The following GUCY2F variants were observed in gnomAD, a reference collection of about 807,000 sequenced individuals.
GUCY2F encodes the protein guanylate cyclase 2F, retinal, also known as retinal guanylyl cyclase 2.
Under a neutral mutation model 73.1 loss-of-function variants are expected in GUCY2F, and 61 were observed. The ratio of observed to expected loss-of-function variants is 0.83; its 90% CI spans 0.68 to 1.03. GUCY2F has a LOEUF of 1.03. Ranked by LOEUF, GUCY2F falls within the 50% of genes least tolerant of loss-of-function variation. The pLI is 0.00. For synonymous variants in GUCY2F, 331 were observed against 307.8 expected (o/e 1.08, Z -0.79); for missense variants, 912 against 854.3 (o/e 1.07, Z -0.84).
intron 15 of GUCY2F, among the ~76,000 whole-genome samples, chrX:109,387,285 A>G (rs1467573371): frequency 1.8e-5 from 2 of 112,538 alleles, no homozygotes; most frequent in East Asian, 5.6e-4. Context: ...GGGAGGAGTC[A>G]AAGAGAATGA....
intron 17 of GUCY2F, among the ~76,000 whole-genome samples, chrX:109,380,721 A>G (rs1279673830): frequency 8.9e-6 from 1 of 111,850 alleles, no homozygotes; most frequent in East Asian, 2.8e-4. Context: ...TACTTGAAAC[A>G]CCCAAAGATG....
chrX:109,480,510 A>C (rs1202079164), intron 1 of GUCY2F, among the ~76,000 whole-genome samples: 6 of 111,718 alleles, frequency 5.4e-5, no homozygotes, highest in Non-Finnish European at 1.1e-4. Flanking sequence ...TTAACTGTCC[A>C]TTCTAGGTGT....
chrX:109,447,100 G>A (rs964116246), intron 6 of GUCY2F, among the ~76,000 whole-genome samples: 2 of 111,829 alleles, frequency 1.8e-5, no homozygotes, highest in Non-Finnish European at 3.8e-5. Context: ...CAGTTAGAAT[G>A]GTGATCATTA....
intron 8 of GUCY2F, among the ~76,000 whole-genome samples, chrX:109,426,558 T>G (rs897937461): frequency 9.0e-6 from 1 of 111,246 alleles, no homozygotes; most frequent in Non-Finnish European, 1.9e-5. Context: ...CTGGCTAATT[T>G]TTTTGTATTT....
intron 1 of GUCY2F, among the ~76,000 whole-genome samples, chrX:109,477,081 A>G (rs1278498261): frequency 1.8e-5 from 2 of 111,412 alleles, no homozygotes; most frequent in African/African-American, 3.3e-5. Flanking sequence ...GCAAGACTGG[A>G]GGCAAAGAGA....
At chrX:109,398,528 C>G in intron 11 of GUCY2F, 21 bp downstream of exon 11, 1 of 1,197,373 alleles carries the variant, frequency 8.4e-7, no homozygotes, top group Non-Finnish European at 1.1e-6. Context: ...CCCTGGGGCC[C>G]TTTTCTCACC....
At chrX:109,404,167 A>T (rs893067243) in intron 10 of GUCY2F, among the ~76,000 whole-genome samples, 161 bp downstream of exon 10, 1 of 112,607 alleles carries the variant, frequency 8.9e-6, no homozygotes, top group African/African-American at 3.2e-5. Context: ...CCGAGGTTAC[A>T]GCAGGCCTAC....
chrX:109,475,970 T>C lies in GUCY2F; in HGVS notation c.-34A>G, dbSNP rs773439276. The C allele has an allele frequency of 8.8e-6, 10 of 1,138,586 alleles. No homozygotes were observed. Among genetic ancestry groups the C allele is most frequent in the Non-Finnish European group, 1.2e-5 (10 of 853,568 alleles). The allele number at this position is 1,138,586 out of a possible 1,213,427, so 93.8% of individuals were successfully genotyped here. A position where few individuals can be genotyped will look rare whatever the true frequency, so the allele number is the denominator to read the frequency against. ...TGCTTCCAGCAAGCTAATGACGAGA[T>C]ACTGGAGAGTTATTCTGCTTTCCCG... On this transcript the variant is annotated 5_prime_UTR_variant, in exon 2 of 20. Coordinates refer to ENST00000218006, the MANE Select transcript of GUCY2F (RefSeq NM_001522.3).
rs773720812 is a variant in GUCY2F at position 109,443,242 on chromosome X, G to C, written c.1570-1760C>G. ...GGAGGCCAAGAGCTATGTTCTTCTAGGGTAATGCCATCCTTTTCCACCTCG... is the reference window on the plus strand; with the variant it reads ...GGAGGCCAAGAGCTATGTTCTTCTACGGTAATGCCATCCTTTTCCACCTCG... On this transcript the variant is annotated intron_variant, in intron 6 of 19. Transcript: ENST00000218006. Among the ~76,000 whole-genome samples, 151 of 110,921 alleles carry C rather than the reference G, an allele frequency of 1.4e-3. 1 individual carries two copies. The highest frequency in any genetic ancestry group is 2.6e-3 in the Non-Finnish European group (136 of 52,900).
Position 109,429,957 on chromosome X carries a change from G to A in GUCY2F, c.1791+350C>T, listed in dbSNP as rs139805505. The stretch of plus-strand genomic sequence containing the variant: ...AAAGAAGCTATGTGCCAGGAAATGC[G>A]CAAGATGCTTTACGTGTATTGTCTC... On this transcript the variant is annotated intron_variant, in intron 8 of 19. Coordinates refer to ENST00000218006, the MANE Select transcript of GUCY2F (RefSeq NM_001522.3). Among the ~76,000 whole-genome samples the A allele has an allele frequency of 7.1e-4, 80 of 112,643 alleles. No individual in the cohort carries two copies. In the East Asian group the frequency reaches 0.021, roughly 29 times the overall value.
chrX:109,460,506 T>G (rs1397667685), intron 3 of GUCY2F, among the ~76,000 whole-genome samples: 6 of 111,824 alleles, frequency 5.4e-5, no homozygotes, highest in Non-Finnish European at 1.1e-4. Flanking sequence ...ATTTCTACCC[T>G]AGATTTGTAT....
At chrX:109,395,816 T>C (rs1453799272) in intron 11 of GUCY2F, among the ~76,000 whole-genome samples, 1 of 111,189 alleles carries the variant, frequency 9.0e-6, no homozygotes, top group Non-Finnish European at 1.9e-5. Flanking sequence ...CCCTCACCCA[T>C]CCCCAATCAT....
intron 8 of GUCY2F, among the ~76,000 whole-genome samples, chrX:109,416,619 AC>A (rs761615720): frequency 1.5e-3 from 168 of 111,169 alleles, no homozygotes; most frequent in Admixed American, 0.012. Flanking sequence ...AGTGGTCAAA[AC>A]CTTTGTGAAT....
chrX:109,390,342 C>A (rs1470110648), intron 14 of GUCY2F, among the ~76,000 whole-genome samples: 1 of 111,700 alleles, frequency 9.0e-6, no homozygotes, highest in African/African-American at 3.3e-5. Flanking sequence ...CAGTAGCCTT[C>A]TCACTTCCAT....
Position 109,453,828 on chromosome X carries a change from G to A in GUCY2F, c.1064C>T (p.Ser355Leu). 8.4e-7 allele frequency: 1 copy of A among 1,186,485 alleles called. No homozygotes were observed. Among genetic ancestry groups the A allele is most frequent in the Non-Finnish European group, 1.1e-6 (1 of 877,482 alleles). The change falls in exon 4 of 20, where the codon TCA (serine) becomes TTA (leucine). Residue 355 changes from serine (S) to leucine (L), a missense_variant. By Grantham distance (145) the Ser-to-Leu change is moderately radical. Coordinates refer to ENST00000218006, the MANE Select transcript of GUCY2F (RefSeq NM_001522.3). ...VSPLFGTIYN[S>L]IYFIAQAMNN... Reference sequence around the variant, plus strand: ...CATGGCTTGTGCGATAAAGTAAATTGAATTGTAGATGGTTCCAAACAACGG... The same window carrying A: ...CATGGCTTGTGCGATAAAGTAAATTAAATTGTAGATGGTTCCAAACAACGG...
chrX:109,430,525 A>C, intron 7 of GUCY2F, 129 bp from the exon 8 acceptor site: 1 of 469,783 alleles, frequency 2.1e-6, no homozygotes, highest in Admixed American at 3.5e-5. Flanking sequence ...CTTCTCTCCC[A>C]CCCTCCACCT....
At chrX:109,417,731 T>C (rs754247128) in intron 8 of GUCY2F, among the ~76,000 whole-genome samples, 1 of 110,593 alleles carries the variant, frequency 9.0e-6, no homozygotes, top group Non-Finnish European at 1.9e-5. Context: ...AAGACACAAA[T>C]GCCTGCTCCC....
chrX:109,376,169 T>C lies in GUCY2F; in HGVS notation c.3151-2A>G, dbSNP rs1603378127. On this transcript the variant is annotated splice_acceptor_variant, in intron 17 of 19. Transcript: ENST00000218006. LOFTEE classifies it high-confidence loss of function. ...GAAGGTTTCCTCTGTGCCTTTGCCC[T>C]TATTATAGAAAACATAAAAAATCTT... 2 of 1,155,556 alleles carry C rather than the reference T, an allele frequency of 1.7e-6. No individual in the cohort carries two copies.
chrX:109,470,798 A>G (rs773196688), intron 2 of GUCY2F, among the ~76,000 whole-genome samples: 18 of 111,663 alleles, frequency 1.6e-4, no homozygotes, highest in African/African-American at 2.9e-4. Flanking sequence ...CTGAGATTTG[A>G]GAGCCACTGC....
Sources: allele counts gnomAD v4.1 joint callset (sites outside exome capture counted in the v4.1 genomes callset), GRCh38; gene constraint gnomAD v4.1.1; transcripts MANE v1.5; gene names NCBI Gene and HGNC (gene_info 2026-07-23, HGNC 2026-07-21).